The following MAP4K1 variants were observed in gnomAD, a reference collection of about 807,000 sequenced individuals.
MAP4K1 encodes mitogen-activated protein kinase kinase kinase kinase 1.
MAP4K1 carries 35 observed loss-of-function variants against 122.8 expected under a neutral mutation model. The ratio of observed to expected loss-of-function variants is 0.29; its 90% CI spans 0.22 to 0.38. The LOEUF (loss-of-function observed/expected upper bound fraction) is 0.38, where lower values mean the gene tolerates loss of function less well. Ranked by LOEUF, MAP4K1 falls within the 10% of genes least tolerant of loss-of-function variation. The probability of loss-of-function intolerance (pLI) is 1.00; values close to 1 mark genes in which losing one functional copy is unlikely to be tolerated. For missense variants in MAP4K1, 791 were observed against 1,072.6 expected, an observed-to-expected ratio of 0.74 and a Z score of 3.67; for synonymous variants, 412 against 421.3, an observed-to-expected ratio of 0.98 and a Z score of 0.27.
At chr19:38,598,321 G>A (rs948074929) in intron 22 of MAP4K1, among the ~76,000 whole-genome samples, 1 of 151,174 alleles carries the variant, frequency 6.6e-6, no homozygotes, top group African/African-American at 2.4e-5. Context: ...GTGAACCACC[G>A]CACCCGGCCT....
chr19:38,600,379 T>C (rs1975024466), intron 20 of MAP4K1, among the ~76,000 whole-genome samples: 2 of 152,166 alleles, frequency 1.3e-5, no homozygotes, highest in Non-Finnish European at 2.9e-5. Flanking sequence ...CTGGTGGTTC[T>C]TTCTTCTCTG....
chr19:38,606,251 T>C, intron 16 of MAP4K1, 36 bp from the exon 17 acceptor site: 3 of 1,160,710 alleles, frequency 2.6e-6, no homozygotes, highest in Non-Finnish European at 3.7e-6. Context: ...GCTGGGGGGC[T>C]GGGGAACAAG....
At chr19:38,589,439 A>G (rs1292715237) in intron 30 of MAP4K1, among the ~76,000 whole-genome samples, 1 of 149,832 alleles carries the variant, frequency 6.7e-6, no homozygotes, top group East Asian at 2.0e-4. Flanking sequence ...TTTTTGAGAC[A>G]GAGTTCACTC....
At chr19:38,596,925 G>T in intron 25 of MAP4K1, 109 bp downstream of exon 25, 2 of 1,027,114 alleles carry the variant, frequency 1.9e-6, no homozygotes, top group Non-Finnish European at 1.5e-6. Flanking sequence ...GATTGGGGCG[G>T]GGCCTCGACG....
At chr19:38,606,408 G>C (rs530294981) in intron 16 of MAP4K1, among the ~76,000 whole-genome samples, 193 bp from the exon 17 acceptor site, 3 of 152,178 alleles carry the variant, frequency 2.0e-5, no homozygotes, top group African/African-American at 7.2e-5. Context: ...GCCTGTAATC[G>C]CAGTGCTTTG....
intron 9 of MAP4K1, among the ~76,000 whole-genome samples, 192 bp from the exon 10 acceptor site, chr19:38,611,497 G>T (rs750169336): frequency 1.4e-4 from 22 of 152,174 alleles, no homozygotes; most frequent in Non-Finnish European, 3.1e-4. Context: ...TAGAGCTATG[G>T]CAAGGCCAGG....
chr19:38,602,703 C>T (rs1568630481), intron 19 of MAP4K1, among the ~76,000 whole-genome samples: 1 of 145,866 alleles, frequency 6.9e-6, no homozygotes. Context: ...CACACATATA[C>T]ATGTATACAT....
intron 9 of MAP4K1, among the ~76,000 whole-genome samples, chr19:38,611,710 T>C (rs147849058): frequency 6.6e-6 from 1 of 152,250 alleles, no homozygotes; most frequent in East Asian, 1.9e-4. Flanking sequence ...AGCCCCGGCA[T>C]TCAAGGCTGA....
At chr19:38,606,251 TG>T (rs1975326514) in intron 16 of MAP4K1, 36 bp from the exon 17 acceptor site, 6 of 1,160,560 alleles carry the variant, frequency 5.2e-6, no homozygotes, top group African/African-American at 1.5e-5. Flanking sequence ...GCTGGGGGGC[TG>T]GGGAACAAGG....
Position 38,596,429 on chromosome 19 carries a change from C to T in MAP4K1, c.1999G>A (p.Gly667Ser), listed in dbSNP as rs1055868887. 1.3e-6 allele frequency: 2 copies of T among 1,591,452 alleles called. No homozygotes were observed. The highest frequency in any genetic ancestry group is 1.7e-6 in the Non-Finnish European group (2 of 1,173,358). Residue 667 changes from glycine to serine, a missense_variant, in exon 26 of 31, where the codon GGC becomes AGC. By Grantham distance (56) the Gly-to-Ser change is moderately conservative. This residue lies in a region of MAP4K1 where 267 missense variants were observed against 323.0 expected (regional missense o/e 0.83). Transcript: ENST00000396857. Reference protein sequence around the residue: ...LSVFALLTGPGSELPAVCIGV... With the variant: ...LSVFALLTGPSSELPAVCIGV... Reference sequence around the variant, plus strand: ...ATGCACACAGCGGGCAGCTCAGAGCCTGGCCCGGTCAGCAGCGCGAACACG... The same window carrying T: ...ATGCACACAGCGGGCAGCTCAGAGCTTGGCCCGGTCAGCAGCGCGAACACG...
chr19:38,614,560 G>A, intron 4 of MAP4K1, 115 bp from the exon 5 acceptor site: 4 of 1,101,816 alleles, frequency 3.6e-6, no homozygotes, highest in Non-Finnish European at 5.5e-6. Context: ...GGGGAAATAG[G>A]ATAGGACCAG....
rs565126120 is a variant in MAP4K1, at chr19:38,606,000, G to C, written c.1200+173C>G. On this transcript the variant is annotated intron_variant, in intron 17 of 30. Transcript: ENST00000396857. ...CAGTGTCTAAGAGGCTAAATATTTT[G>C]AATCCGACCCTGAGGTTGAGGGATG... Among the ~76,000 whole-genome samples, 5 of 152,204 alleles carry C rather than the reference G, an allele frequency of 3.3e-5. No individual in the cohort carries two copies. In the South Asian group the frequency reaches 1.0e-3, roughly 31 times the overall value.
chr19:38,608,453 A>G, intron 13 of MAP4K1, among the ~76,000 whole-genome samples: 1 of 151,840 alleles, frequency 6.6e-6, no homozygotes, highest in Non-Finnish European at 1.5e-5. Context: ...AGAGTTTGAG[A>G]CCTGCCTGGA....
intron 17 of MAP4K1, 51 bp downstream of exon 17, chr19:38,606,122 C>A (rs1375196746): frequency 6.9e-7 from 1 of 1,454,294 alleles, no homozygotes; most frequent in East Asian, 2.3e-5. Context: ...GGCCTCCTGG[C>A]CCCCAGTGGC....
chr19:38,608,813 A>C (rs556922206), intron 13 of MAP4K1, among the ~76,000 whole-genome samples: 32 of 148,060 alleles, frequency 2.2e-4, no homozygotes, highest in African/African-American at 7.4e-4. Context: ...AAAAAAAAAA[A>C]AAAAAAAAAA....
Position 38,600,049 on chromosome 19 carries a change from C to G in MAP4K1, c.1608+28G>C, listed in dbSNP as rs780863421. ...GCAACCCCCGACTCCGGCCCTTGCC[C>G]TTGCCCTGGCCCGGTATGGTTCCTC... On this transcript the variant is annotated intron_variant, in intron 21 of 30. Transcript: ENST00000396857. 5 of 1,614,022 alleles carry G rather than the reference C, an allele frequency of 3.1e-6. No homozygotes were observed. In the African/African-American group the frequency reaches 6.7e-5, roughly 22 times the overall value.
In MAP4K1 at chr19:38,609,911, C is replaced by T. The variant is rs528439074; in HGVS notation, c.925G>A (p.Glu309Lys). 27 of 1,613,286 alleles carry T rather than the reference C, an allele frequency of 1.7e-5. No homozygotes were observed. The African/African-American group carries it at 1.9e-4, about 11-fold the overall frequency. The change falls in exon 12 of 31, where the codon GAG becomes AAG. Residue 309 changes from glutamate to lysine, a missense_variant and splice_region_variant. Glu to Lys is a moderately conservative substitution (Grantham distance 56). Around this residue, in one of 4 missense-constraint regions of MAP4K1, gnomAD observed 303 missense variants for 344.8 expected, o/e 0.88. Transcript: ENST00000396857. The stretch of plus-strand genomic sequence containing the variant: ...CTCTTGTCAGCCAAGGCTCTCACCT[C>T]GGGCTCCTCATCCTCAATGTCCCCA... ...SIGDIEDEEP[E>K]LPPAIPRRIR...
Position 38,596,446 on chromosome 19 carries a change from G to A in MAP4K1, c.1982C>T (p.Ala661Val). 6.3e-7 allele frequency: 1 copy of A among 1,587,478 alleles called. No homozygotes were observed. Among genetic ancestry groups the A allele is most frequent in the South Asian group, 1.1e-5 (1 of 88,490 alleles). ...FPLPTPLSVF[A>V]LLTGPGSELP... The stretch of plus-strand genomic sequence containing the variant: ...CTCAGAGCCTGGCCCGGTCAGCAGC[G>A]CGAACACGGACAGAGGCGTCGGCAG... Residue 661 changes from alanine (A) to valine (V), a missense_variant, in exon 26 of 31, where the codon GCG becomes GTG. By Grantham distance (64) the Ala-to-Val change is moderately conservative. Transcript: ENST00000396857.
chr19:38,587,860 T>C (rs373293145), intron 30 of MAP4K1, 43 bp from the exon 31 acceptor site: 22 of 1,428,136 alleles, frequency 1.5e-5, no homozygotes, highest in East Asian at 2.3e-5. Flanking sequence ...TTCATTCATA[T>C]GTTCATTGAT....
Sources: allele counts gnomAD v4.1 joint callset (sites outside exome capture counted in the v4.1 genomes callset), GRCh38; gene constraint gnomAD v4.1.1; regional missense constraint gnomAD v4.1.1; transcripts MANE v1.5; gene names NCBI Gene and HGNC (gene_info 2026-07-23, HGNC 2026-07-21).